ERC1: variants seen among roughly 807,000 people sequenced by gnomAD.
ERC1 encodes ELKS/RAB6-interacting/CAST family member 1.
ERC1 carries 56 observed loss-of-function variants against 132.0 expected under a neutral mutation model. The ratio of observed to expected loss-of-function variants is 0.42; its 90% confidence interval spans 0.34 to 0.53. ERC1 has a LOEUF of 0.53. Among genes scored for constraint, ERC1 ranks in the 20% least tolerant of loss-of-function variants. The pLI is 0.03. For missense variants in ERC1, 1,202 were observed against 1,349.9 expected (o/e 0.89, Z 1.72); for synonymous variants, 478 against 476.1 (o/e 1.00, Z -0.05).
chr12:1,388,993 T>C (rs1466695165), intron 16 of ERC1, among the ~76,000 whole-genome samples: 4 of 152,182 alleles, frequency 2.6e-5, no homozygotes, highest in Non-Finnish European at 4.4e-5. Flanking sequence ...CTCCTTTAGC[T>C]CTTTCAGTAT....
At chr12:1,319,681 C>T (rs913457501) in intron 15 of ERC1, among the ~76,000 whole-genome samples, 79 of 151,998 alleles carry the variant, frequency 5.2e-4, no homozygotes, top group African/African-American at 1.8e-3. Context: ...TCCATTTAGG[C>T]TCATATATGT....
At chr12:1,066,491 G>T (rs541889596) in intron 2 of ERC1, among the ~76,000 whole-genome samples, 14 of 152,294 alleles carry the variant, frequency 9.2e-5, no homozygotes, top group Admixed American at 2.6e-4. Flanking sequence ...TATGTTGAGA[G>T]CGTCTTAAGT....
intron 12 of ERC1, among the ~76,000 whole-genome samples, chr12:1,199,153 T>C (rs536094909): frequency 6.4e-4 from 95 of 147,762 alleles, no homozygotes; most frequent in Admixed American, 1.8e-3. Flanking sequence ...ACCACCGTCA[T>C]GATCCAGTCA....
At chr12:1,409,165 A>G (rs529630580) in intron 17 of ERC1, among the ~76,000 whole-genome samples, 1 of 152,370 alleles carries the variant, frequency 6.6e-6, no homozygotes, top group Admixed American at 6.5e-5. Flanking sequence ...TTCGGAAGGT[A>G]TAGTCCTATT....
intron 14 of ERC1, among the ~76,000 whole-genome samples, chr12:1,277,480 C>A (rs1044135716): frequency 6.6e-6 from 1 of 152,180 alleles, no homozygotes; most frequent in African/African-American, 2.4e-5. Flanking sequence ...TCATATAGTG[C>A]TGTAATGGGT....
intron 1 of ERC1, among the ~76,000 whole-genome samples, chr12:1,011,036 T>C (rs922276426): frequency 2.0e-5 from 3 of 152,148 alleles, no homozygotes; most frequent in Non-Finnish European, 4.4e-5. Flanking sequence ...ATCCGTATTA[T>C]TGGAAATAAT....
intron 1 of ERC1, among the ~76,000 whole-genome samples, chr12:1,020,046 G>A (rs76797625): frequency 0.014 from 2,075 of 152,216 alleles, 44 homozygotes; most frequent in African/African-American, 0.047. Context: ...GGGCCACTGT[G>A]TCAGGCCAAG....
intron 18 of ERC1, among the ~76,000 whole-genome samples, chr12:1,453,977 T>A (rs2093477171): frequency 6.6e-6 from 1 of 152,112 alleles, no homozygotes; most frequent in African/African-American, 2.4e-5. Flanking sequence ...GACTGGTGGC[T>A]GGGAGCTCTG....
chr12:1,229,136 G>A (rs541360087), intron 12 of ERC1, among the ~76,000 whole-genome samples: 1 of 152,254 alleles, frequency 6.6e-6, no homozygotes, highest in Admixed American at 6.5e-5. Flanking sequence ...AAGCCATCTG[G>A]TCCTCAGCTT....
At chr12:1,146,277 T>C (rs1950331750) in intron 8 of ERC1, among the ~76,000 whole-genome samples, 1 of 150,534 alleles carries the variant, frequency 6.6e-6, no homozygotes, top group East Asian at 1.9e-4. Flanking sequence ...CTTGTAGAGG[T>C]CTTTCATTTC....
chr12:1,460,125 A>G lies in ERC1; in HGVS notation c.3213+15375A>G, dbSNP rs148122414. On this transcript the variant is annotated intron_variant, in intron 18 of 18. Transcript: ENST00000360905. ...TAATATTTTATAATCATTTATTTCA[A>G]TGCTCAAATTCTCCAAGATGTTTCC... 8.2e-3 allele frequency among the ~76,000 whole-genome samples: 1,243 copies of G among 152,346 alleles called. 12 individuals carry two copies. The highest frequency in any genetic ancestry group is 0.028 in the African/African-American group (1,147 of 41,586).
intron 18 of ERC1, among the ~76,000 whole-genome samples, chr12:1,454,837 C>T (rs1018011892): frequency 2.0e-5 from 3 of 152,146 alleles, no homozygotes; most frequent in East Asian, 3.8e-4. Context: ...AATATATCGT[C>T]TCATACTACT....
intron 15 of ERC1, among the ~76,000 whole-genome samples, chr12:1,345,212 A>T (rs985932216): frequency 8.8e-6 from 1 of 113,806 alleles, no homozygotes; most frequent in South Asian, 2.6e-4. Flanking sequence ...ACGGAGTCTC[A>T]CTCTGTCGCC....
intron 15 of ERC1, among the ~76,000 whole-genome samples, chr12:1,316,354 C>T (rs961351169): frequency 6.6e-6 from 1 of 152,250 alleles, no homozygotes; most frequent in Non-Finnish European, 1.5e-5. Flanking sequence ...TCAGAGCATG[C>T]TGAAAAAGCT....
chr12:1,478,002 T>G (rs2094008223), intron 18 of ERC1, among the ~76,000 whole-genome samples: 1 of 152,248 alleles, frequency 6.6e-6, no homozygotes, highest in Non-Finnish European at 1.5e-5. Context: ...CTGTTTATCA[T>G]TCAGTATGGA....
At chr12:1,048,211 T>C (rs1038109086) in intron 2 of ERC1, among the ~76,000 whole-genome samples, 5 of 152,230 alleles carry the variant, frequency 3.3e-5, no homozygotes, top group African/African-American at 1.2e-4. Flanking sequence ...AGGGTTATGG[T>C]ATTAGTAGAA....
At chr12:1,477,346 C>T (rs549887741) in intron 18 of ERC1, among the ~76,000 whole-genome samples, 1 of 152,192 alleles carries the variant, frequency 6.6e-6, no homozygotes, top group African/African-American at 2.4e-5. Context: ...ATCACCCTCC[C>T]CCCTTTTAAA....
At chr12:1,043,291 C>G (rs953124514) in intron 2 of ERC1, among the ~76,000 whole-genome samples, 3 of 152,158 alleles carry the variant, frequency 2.0e-5, no homozygotes, top group Non-Finnish European at 4.4e-5. Flanking sequence ...GATCTGCCTG[C>G]CTTGGCCTCC....
intron 2 of ERC1, among the ~76,000 whole-genome samples, chr12:1,035,435 C>T (rs1968873180): frequency 6.6e-6 from 1 of 152,202 alleles, no homozygotes; most frequent in South Asian, 2.1e-4. Context: ...GATATAAATA[C>T]TCAGCAATTT....
Sources: allele counts gnomAD v4.1 joint callset (sites outside exome capture counted in the v4.1 genomes callset), GRCh38; gene constraint gnomAD v4.1.1; transcripts MANE v1.5; gene names NCBI Gene and HGNC (gene_info 2026-07-23, HGNC 2026-07-21).